Variants in TRPC4 observed in about 807,000 individuals in gnomAD.
TRPC4 encodes transient receptor potential cation channel subfamily C member 4, also known as short transient receptor potential channel 4.
In TRPC4, 49 loss-of-function variants were observed where a neutral mutation model predicts 99.4. That is an observed-to-expected ratio of 0.49 (90% CI 0.39 to 0.63). The LOEUF is 0.63. TRPC4 is among the 20% of genes least tolerant of loss of function. The pLI is 0.00. For synonymous variants in TRPC4, 454 were observed against 425.9 expected, an observed-to-expected ratio of 1.07 and a Z score of -0.81; for missense variants, 898 against 1,152.9, an observed-to-expected ratio of 0.78 and a Z score of 3.20.
At chr13:37,784,939 A>G (rs1459291161) in intron 1 of TRPC4, among the ~76,000 whole-genome samples, 2 of 152,066 alleles carry the variant, frequency 1.3e-5, no homozygotes, top group African/African-American at 4.8e-5. Flanking sequence ...CTGGCATATT[A>G]AACATAGTAT....
chr13:37,654,483 A>C (rs1377904519), intron 7 of TRPC4, among the ~76,000 whole-genome samples: 3 of 152,202 alleles, frequency 2.0e-5, no homozygotes, highest in Non-Finnish European at 4.4e-5. Flanking sequence ...ACTGGAAAAC[A>C]CAGTATGTAC....
chr13:37,637,491 A>G lies in TRPC4; in HGVS notation c.2346T>C (p.Asp782=). The change falls in exon 11 of 11, where the codon GAT becomes GAC. Residue 782 remains aspartate (D), a synonymous_variant. Coordinates refer to ENST00000379705, the MANE Select transcript of TRPC4 (RefSeq NM_016179.4). ...SNSADSDEKS[D]SEGNSKDKKK... ...TCTTGTCCTTGCTATTACCTTCGCT[A>G]TCACTCTTTTCATCTGAGTCTGCCG... The G allele has an allele frequency of 6.2e-7, 1 of 1,613,788 alleles. No homozygotes were observed. Among genetic ancestry groups the G allele is most frequent in the Non-Finnish European group, 8.5e-7 (1 of 1,179,786 alleles).
chr13:37,826,201 C>T, intron 1 of TRPC4, among the ~76,000 whole-genome samples: 1 of 102,238 alleles, frequency 9.8e-6, no homozygotes, highest in Non-Finnish European at 1.9e-5. Context: ...GAATACAGCA[C>T]ACTGATGGGT....
At chr13:37,772,545 C>G (rs1251944048) in intron 2 of TRPC4, among the ~76,000 whole-genome samples, 2 of 151,204 alleles carry the variant, frequency 1.3e-5, no homozygotes, top group Non-Finnish European at 3.0e-5. Context: ...ATACACATAC[C>G]CTCTGGTATT....
chr13:37,759,987 T>C (rs1956183038), intron 2 of TRPC4, among the ~76,000 whole-genome samples: 1 of 152,026 alleles, frequency 6.6e-6, no homozygotes, highest in African/African-American at 2.4e-5. Context: ...TGTGATGCCA[T>C]TGAATATTTG....
At chr13:37,715,589 T>C (rs557167726) in intron 3 of TRPC4, among the ~76,000 whole-genome samples, 9 of 152,296 alleles carry the variant, frequency 5.9e-5, no homozygotes, top group South Asian at 4.1e-4. Context: ...CATATTTGCA[T>C]TGAGGACATT....
intron 1 of TRPC4, among the ~76,000 whole-genome samples, chr13:37,861,897 C>A (rs926569491): frequency 6.6e-6 from 1 of 151,438 alleles, no homozygotes; most frequent in African/African-American, 2.4e-5. Flanking sequence ...TGCATGATAA[C>A]CCTCAGAAAG....
chr13:37,832,419 G>T lies in TRPC4; in HGVS notation c.-28+37176C>A, dbSNP rs140582034. 8.8e-3 allele frequency among the ~76,000 whole-genome samples: 1,345 copies of T among 152,010 alleles called. 34 individuals are homozygous for T. In the East Asian group the frequency reaches 0.099, roughly 11 times the overall value. Reference sequence around the variant, plus strand: ...AAATTAGCTGGGCGGTGCACCTGTAGCCCCAGCTACTCAGGAGGCTGAGGC... The same window carrying T: ...AAATTAGCTGGGCGGTGCACCTGTATCCCCAGCTACTCAGGAGGCTGAGGC... On this transcript the variant is annotated intron_variant, in intron 1 of 10. Coordinates refer to ENST00000379705, the MANE Select transcript of TRPC4 (RefSeq NM_016179.4).
At chr13:37,767,929 G>T (rs1956429191) in intron 2 of TRPC4, among the ~76,000 whole-genome samples, 2 of 151,270 alleles carry the variant, frequency 1.3e-5, no homozygotes, top group South Asian at 2.1e-4. Flanking sequence ...TCTTAAGTTT[G>T]CAAATAAATA....
intron 4 of TRPC4, among the ~76,000 whole-genome samples, chr13:37,691,794 A>G (rs945552620): frequency 6.6e-6 from 1 of 152,218 alleles, no homozygotes; most frequent in African/African-American, 2.4e-5. Flanking sequence ...ATTTAAGGTT[A>G]CGTTTCTTAA....
chr13:37,670,448 A>G (rs991722170), intron 5 of TRPC4, among the ~76,000 whole-genome samples: 5 of 152,192 alleles, frequency 3.3e-5, no homozygotes, highest in African/African-American at 1.2e-4. Flanking sequence ...GGTAGAACCT[A>G]TACAATCCTA....
In TRPC4 at chr13:37,857,984, T is replaced by C. The variant is rs542174000; in HGVS notation, c.-28+11611A>G. Among the ~76,000 whole-genome samples the C allele has an allele frequency of 5.3e-4, 81 of 151,706 alleles. 1 individual carries two copies. The highest frequency in any genetic ancestry group is 1.9e-3 in the African/African-American group (78 of 41,490). On this transcript the variant is annotated intron_variant, in intron 1 of 10. Transcript: ENST00000379705. ...ATCAACAAAGTAAAAAGGCAACCCA[T>C]AGAATGGGAGAAAATATCTTCAAAC...
intron 5 of TRPC4, among the ~76,000 whole-genome samples, chr13:37,666,294 C>T (rs760921737): frequency 7.2e-5 from 11 of 152,310 alleles, no homozygotes; most frequent in Non-Finnish European, 1.5e-4. Flanking sequence ...TCCTGTGGTA[C>T]AAACCCCTGT....
chr13:37,697,399 TA>T (rs1373176216), intron 3 of TRPC4, among the ~76,000 whole-genome samples: 4 of 152,230 alleles, frequency 2.6e-5, no homozygotes, highest in Non-Finnish European at 5.9e-5. Context: ...TGGAATTTGT[TA>T]GTTAAGCCTG....
chr13:37,809,574 T>C (rs564887950), intron 1 of TRPC4, among the ~76,000 whole-genome samples: 4 of 151,840 alleles, frequency 2.6e-5, no homozygotes, highest in Non-Finnish European at 5.9e-5. Flanking sequence ...AAAAATAACA[T>C]GTCTCAAGAG....
chr13:37,744,267 T>C (rs776751465), intron 3 of TRPC4, among the ~76,000 whole-genome samples: 16 of 152,208 alleles, frequency 1.1e-4, no homozygotes, highest in Non-Finnish European at 2.2e-4. Flanking sequence ...GTCTAAAGCC[T>C]GCAATGACTT....
At chr13:37,845,691 C>T (rs577908212) in intron 1 of TRPC4, among the ~76,000 whole-genome samples, 22 of 151,920 alleles carry the variant, frequency 1.4e-4, no homozygotes, top group Admixed American at 2.6e-4. Context: ...AGCAAACTAA[C>T]TTTTGCATAG....
At chr13:37,800,753 T>C (rs1957380065) in intron 1 of TRPC4, among the ~76,000 whole-genome samples, 1 of 151,866 alleles carries the variant, frequency 6.6e-6, no homozygotes, top group East Asian at 1.9e-4. Flanking sequence ...ATAAAAATAA[T>C]AGCTAAAATA....
At chr13:37,651,557 G>C in intron 7 of TRPC4, 98 bp from the exon 8 acceptor site, 1 of 1,075,130 alleles carries the variant, frequency 9.3e-7, no homozygotes, top group Non-Finnish European at 1.4e-6. Context: ...AGCGGCTCTT[G>C]GAACATTAAT....
Sources: allele counts gnomAD v4.1 joint callset (sites outside exome capture counted in the v4.1 genomes callset), GRCh38; gene constraint gnomAD v4.1.1; transcripts MANE v1.5; gene names NCBI Gene and HGNC (gene_info 2026-07-23, HGNC 2026-07-21).